PTPRG: variants seen among roughly 807,000 people sequenced by gnomAD.
The protein encoded by PTPRG is receptor-type tyrosine-protein phosphatase gamma.
PTPRG carries 102 observed loss-of-function variants against 165.3 expected under a neutral mutation model. That is an observed-to-expected ratio of 0.62 (90% CI 0.53 to 0.73). PTPRG has a LOEUF of 0.73. Among genes scored for constraint, PTPRG ranks in the 30% least tolerant of loss-of-function variants. PTPRG has a pLI of 0.00. For missense variants in PTPRG, 1,866 were observed against 1,861.4 expected, an observed-to-expected ratio of 1.00 and a Z score of -0.05; for synonymous variants, 675 against 669.5, an observed-to-expected ratio of 1.01 and a Z score of -0.13.
At chr3:62,192,756 C>G (rs1001699448) in intron 9 of PTPRG, among the ~76,000 whole-genome samples, 5 of 152,070 alleles carry the variant, frequency 3.3e-5, no homozygotes, top group African/African-American at 1.2e-4. Flanking sequence ...CAAAGTGACA[C>G]ATTTGGTTTG....
chr3:61,894,313 A>AAAAAAAAAAAAAAAAAAAAAAAAAAAAG (rs2038294743), intron 2 of PTPRG, among the ~76,000 whole-genome samples: 1 of 115,860 alleles, frequency 8.6e-6, no homozygotes, highest in African/African-American at 4.1e-5. Flanking sequence ...AAAAAAAAAA[A>AAAAAAAAAAAAAAAAAAAAAAAAAAAAG]AAAAAAAAAA....
intron 1 of PTPRG, among the ~76,000 whole-genome samples, chr3:61,619,227 G>C (rs1701385185): frequency 6.6e-6 from 1 of 152,062 alleles, no homozygotes; most frequent in Non-Finnish European, 1.5e-5. Context: ...ACATGGCTTT[G>C]TTCTGTGCTC....
In PTPRG at chr3:61,669,033, T is replaced by C. The variant is rs549873516; in HGVS notation, c.86-79845T>C. On this transcript the variant is annotated intron_variant, in intron 1 of 29. Transcript: ENST00000474889. ...ATAGAAATGCTTTCTAATTACAGTTTTGTCCCCTGGTAAAACTAACACTGT... is the reference window on the plus strand; with the variant it reads ...ATAGAAATGCTTTCTAATTACAGTTCTGTCCCCTGGTAAAACTAACACTGT... Among the ~76,000 whole-genome samples the C allele has an allele frequency of 3.9e-5, 6 of 152,346 alleles. No homozygotes were observed. The South Asian group carries it at 8.3e-4, about 21-fold the overall frequency.
intron 2 of PTPRG, among the ~76,000 whole-genome samples, chr3:61,932,447 T>C (rs543864628): frequency 6.6e-6 from 1 of 152,316 alleles, no homozygotes; most frequent in South Asian, 2.1e-4. Flanking sequence ...TTAAATATAT[T>C]ATAAGCTTCC....
At chr3:62,264,173 A>T (rs1701788966) in intron 17 of PTPRG, 1 of 151,428 alleles carries the variant, frequency 6.6e-6, no homozygotes, top group Non-Finnish European at 1.5e-5. Context: ...TCTGAAGTTA[A>T]TGGGATGTGG....
At chr3:62,272,919 C>T (rs773347384) in intron 21 of PTPRG, 27 bp from the exon 22 acceptor site, 3 of 1,550,250 alleles carry the variant, frequency 1.9e-6, no homozygotes, top group Non-Finnish European at 1.7e-6. Context: ...AACAAAAGTG[C>T]CAGTTGAGTG....
chr3:62,029,072 G>T (rs1699677441), intron 4 of PTPRG, among the ~76,000 whole-genome samples: 1 of 152,144 alleles, frequency 6.6e-6, no homozygotes, highest in South Asian at 2.1e-4. Context: ...CTGTGATCCT[G>T]TTTCCGGAAA....
chr3:62,218,912 C>T lies in PTPRG; in HGVS notation c.2217C>T (p.Ile739=), dbSNP rs764516051. 6.2e-7 allele frequency: 1 copy of T among 1,614,090 alleles called. No homozygotes were observed. Among genetic ancestry groups the T allele is most frequent in the Non-Finnish European group, 8.5e-7 (1 of 1,179,958 alleles). ...RPAPGRMEWI[I]PLIVVSALTF... Reference sequence around the variant, plus strand: ...CTCCAGGGAGGATGGAGTGGATCATCCCTCTGATTGTGGTATCAGCCTTGA... The same window carrying T: ...CTCCAGGGAGGATGGAGTGGATCATTCCTCTGATTGTGGTATCAGCCTTGA... The change falls in exon 13 of 30, where the codon ATC becomes ATT. Residue 739 remains isoleucine, a synonymous_variant. Transcript: ENST00000474889.
chr3:62,052,449 C>G (rs926505035), intron 4 of PTPRG, among the ~76,000 whole-genome samples: 1 of 152,184 alleles, frequency 6.6e-6, no homozygotes, highest in African/African-American at 2.4e-5. Context: ...AATCCCAGTG[C>G]TTTGGGAAGC....
rs148076151 is a variant in PTPRG, at chr3:61,811,950, A to G, written c.190+62968A>G. Among the ~76,000 whole-genome samples the G allele has an allele frequency of 3.7e-4, 56 of 152,198 alleles. No individual in the cohort carries two copies. In the East Asian group the frequency reaches 0.01, roughly 27 times the overall value. ...ATCTTGAGCTCTGCGCTTTCTCTCC[A>G]TTTGTTGTGGCATAGCAGAAATAAT... On this transcript the variant is annotated intron_variant, in intron 2 of 29. Coordinates refer to ENST00000474889, the MANE Select transcript of PTPRG (RefSeq NM_002841.4).
chr3:61,815,955 C>G (rs985468858), intron 2 of PTPRG, among the ~76,000 whole-genome samples: 2 of 152,194 alleles, frequency 1.3e-5, no homozygotes, highest in Non-Finnish European at 2.9e-5. Context: ...TCACTGGTGA[C>G]TGGCCATCTT....
At chr3:62,148,988 C>T (rs1434260819) in intron 6 of PTPRG, among the ~76,000 whole-genome samples, 1 of 151,980 alleles carries the variant, frequency 6.6e-6, no homozygotes. Context: ...ATATATAAGA[C>T]AAAAAACTAG....
intron 2 of PTPRG, among the ~76,000 whole-genome samples, chr3:61,922,585 C>T (rs1475832791): frequency 6.6e-6 from 1 of 152,236 alleles, no homozygotes; most frequent in East Asian, 1.9e-4. Context: ...TATTTCTTGT[C>T]TGGAGCATGC....
At chr3:61,657,888 A>G (rs1016932520) in intron 1 of PTPRG, among the ~76,000 whole-genome samples, 6 of 152,130 alleles carry the variant, frequency 3.9e-5, no homozygotes, top group African/African-American at 1.4e-4. Context: ...GATGCTTTGT[A>G]CTTTGCTTGT....
In PTPRG at chr3:62,252,326, TTCTC is replaced by T. The variant is rs1229624791; in HGVS notation, c.2468-2794_2468-2791del. On this transcript the variant is annotated intron_variant, in intron 15 of 29. Coordinates refer to ENST00000474889, the MANE Select transcript of PTPRG (RefSeq NM_002841.4). The surrounding 1 kb of genome is among the most constrained non-coding windows in gnomAD (Gnocchi z 4.6). ...AACGGCTTCATCCAGGGGTTTCCCA[TTCTC>T]TCTGAGTCGGAGCACTTTTTATCTA... Among the ~76,000 whole-genome samples, 1 of 152,220 alleles carries T rather than the reference TTCTC, an allele frequency of 6.6e-6. No homozygotes were observed. The highest frequency in any genetic ancestry group is 1.5e-5 in the Non-Finnish European group (1 of 68,030).
At chr3:62,156,292 C>T (rs1022917651) in intron 6 of PTPRG, among the ~76,000 whole-genome samples, 5 of 152,192 alleles carry the variant, frequency 3.3e-5, no homozygotes, top group African/African-American at 1.2e-4. Flanking sequence ...CCTGGATTCA[C>T]ATCCTGGCTT....
chr3:61,772,585 T>C (rs865883690), intron 2 of PTPRG, among the ~76,000 whole-genome samples: 1 of 152,226 alleles, frequency 6.6e-6, no homozygotes, highest in East Asian at 1.9e-4. Context: ...TTTCTTTTTT[T>C]AAGCATTTGC....
chr3:62,107,807 C>T (rs566901551), intron 5 of PTPRG, among the ~76,000 whole-genome samples: 3 of 147,678 alleles, frequency 2.0e-5, no homozygotes, highest in Non-Finnish European at 3.0e-5. Context: ...AGCCAATGTA[C>T]TAACTACTTA....
chr3:62,092,063 GACACACACAC>G (rs58689072), intron 5 of PTPRG, among the ~76,000 whole-genome samples: 1,522 of 114,828 alleles, frequency 0.013, 24 homozygotes, highest in African/African-American at 0.016. Flanking sequence ...CTTATACATG[GACACACACAC>G]ACACACACAC....
Sources: allele counts gnomAD v4.1 joint callset (sites outside exome capture counted in the v4.1 genomes callset), GRCh38; gene constraint gnomAD v4.1.1; non-coding constraint Gnocchi (gnomAD v3.1); transcripts MANE v1.5; gene names NCBI Gene and HGNC (gene_info 2026-07-23, HGNC 2026-07-21).